Variants in AAMDC observed in about 807,000 individuals in gnomAD.
The protein encoded by AAMDC is adipogenesis associated Mth938 domain containing.
A neutral mutation model predicts 15.5 loss-of-function variants in AAMDC; 16 were observed. The observed-to-expected ratio is 1.03, with a 90% CI of 0.70 to 1.57. The LOEUF is 1.57. Among genes scored for constraint, AAMDC ranks in the 40% most tolerant of loss-of-function variants. AAMDC has a pLI of 0.00. For synonymous variants in AAMDC, 51 were observed against 51.6 expected (o/e 0.99, Z 0.05); for missense variants, 141 against 144.9 (o/e 0.97, Z 0.14).
intron 1 of AAMDC, among the ~76,000 whole-genome samples, chr11:77,840,097 AAC>A (rs10547270): frequency 0.76 from 114,614 of 150,302 alleles, 44,139 homozygotes; most frequent in African/African-American, 0.89. Context: ...GGGGACAGTA[AAC>A]ACACACACAC....
chr11:77,895,305 A>C (rs1952461582), intron 5 of AAMDC, among the ~76,000 whole-genome samples: 1 of 152,154 alleles, frequency 6.6e-6, no homozygotes, highest in Non-Finnish European at 1.5e-5. Context: ...AGATAAAACA[A>C]ATACTCTTTC....
chr11:77,873,457 A>T (rs1262486430), downstream of AAMDC, among the ~76,000 whole-genome samples: 2 of 152,218 alleles, frequency 1.3e-5, no homozygotes, highest in Non-Finnish European at 2.9e-5. Context: ...GAGCCATAGA[A>T]TGTTGGAGCC....
At chr11:77,895,527 GAAAAAAAAAA>G (rs71046921) in intron 5 of AAMDC, among the ~76,000 whole-genome samples, 1,523 of 39,254 alleles carry the variant, frequency 0.039, 45 homozygotes, top group South Asian at 0.13. Flanking sequence ...TTCTTTTCCT[GAAAAAAAAAA>G]AAAAAAAAAA....
downstream of AAMDC, among the ~76,000 whole-genome samples, chr11:77,873,563 G>T (rs186663776): frequency 3.3e-5 from 5 of 152,278 alleles, no homozygotes; most frequent in Middle Eastern, 3.4e-3. Flanking sequence ...TTATTGTTGG[G>T]CCCTGGGGGA....
intron 2 of AAMDC, among the ~76,000 whole-genome samples, chr11:77,864,383 T>C (rs1050281487): frequency 1.8e-4 from 28 of 151,552 alleles, no homozygotes; most frequent in Non-Finnish European, 3.5e-4. Context: ...GAGGTTGCAG[T>C]GAGCCAAGAT....
intron 2 of AAMDC, chr11:77,855,247 G>A (rs1242774995): frequency 6.6e-6 from 1 of 152,254 alleles, no homozygotes; most frequent in Non-Finnish European, 1.5e-5. Context: ...TCTTGGTTAT[G>A]AATATTTGGC....
In AAMDC at chr11:77,897,992, T is replaced by A. The variant is rs1336225673; in HGVS notation, c.329-2579T>A. 3.3e-5 allele frequency among the ~76,000 whole-genome samples: 5 copies of A among 151,994 alleles called. No homozygotes were observed. In the East Asian group the frequency reaches 7.7e-4, roughly 23 times the overall value. On this transcript the variant is annotated intron_variant, in intron 5 of 5. Transcript: ENST00000304716. ...GTCCAGCTAATTTTTGATTTTTATT[T>A]TTTAGAGACAGGGTCTCATTATGTT... is the stretch of plus-strand genomic sequence containing the variant.
downstream of AAMDC, among the ~76,000 whole-genome samples, chr11:77,904,918 C>T (rs1021767563): frequency 5.3e-5 from 8 of 152,086 alleles, no homozygotes; most frequent in African/African-American, 1.4e-4. Flanking sequence ...TAAGGAGATG[C>T]GTATGAGTGC....
intron 1 of AAMDC, among the ~76,000 whole-genome samples, chr11:77,821,516 G>A (rs920686752): frequency 6.6e-6 from 1 of 152,100 alleles, no homozygotes; most frequent in Admixed American, 6.5e-5. Flanking sequence ...GGAACTCTGG[G>A]GGAATCGTCG....
Position 77,837,866 on chromosome 11 carries a change from G to T in AAMDC, c.-18-4613G>T, listed in dbSNP as rs532810544. 6.6e-5 allele frequency among the ~76,000 whole-genome samples: 10 copies of T among 152,142 alleles called. 1 individual carries two copies. In the East Asian group the frequency reaches 1.9e-3, roughly 29 times the overall value. ...GCCCAGGATTTGGAGACCAACATGG[G>T]CAACATAGTGAGACCCTGGCTCTAA... On this transcript the variant is annotated intron_variant, in intron 1 of 3. Coordinates refer to ENST00000393427, the MANE Select transcript of AAMDC (RefSeq NM_024684.4).
chr11:77,842,659 T>C (rs1177905520), intron 2 of AAMDC, 31 bp downstream of exon 2: 1 of 1,609,152 alleles, frequency 6.2e-7, no homozygotes, highest in South Asian at 1.1e-5. Context: ...TGATACTACA[T>C]GAGGCTGACC....
At chr11:77,834,756 G>C (rs975134976) in intron 1 of AAMDC, among the ~76,000 whole-genome samples, 2 of 152,068 alleles carry the variant, frequency 1.3e-5, no homozygotes, top group Non-Finnish European at 2.9e-5. Context: ...GCTAGGAAAA[G>C]ACTGAATAAG....
chr11:77,844,992 C>T (rs143515576), intron 2 of AAMDC, among the ~76,000 whole-genome samples: 140 of 152,260 alleles, frequency 9.2e-4, no homozygotes, highest in African/African-American at 3.3e-3. Context: ...ATTATTAGAT[C>T]TCCCTTGGAC....
chr11:77,878,461 A>T (rs2136342230), intron 5 of AAMDC, among the ~76,000 whole-genome samples: 1 of 152,324 alleles, frequency 6.6e-6, no homozygotes, highest in South Asian at 2.1e-4. Context: ...GAGGCTTCTT[A>T]GCAAGGTTAA....
At chr11:77,839,423 G>T (rs1949830546) in intron 1 of AAMDC, among the ~76,000 whole-genome samples, 2 of 152,154 alleles carry the variant, frequency 1.3e-5, no homozygotes, top group Admixed American at 1.3e-4. Context: ...ATTCCTCAAA[G>T]ACCTAGAACT....
Position 77,891,850 on chromosome 11 carries a change from C to A in AAMDC, c.329-8721C>A, listed in dbSNP as rs777481067. The A allele has an allele frequency of 2.5e-6, 4 of 1,610,458 alleles. No individual in the cohort carries two copies. The South Asian group carries it at 3.3e-5, about 13-fold the overall frequency. On this transcript the variant is annotated intron_variant, in intron 5 of 5. Coordinates refer to the AAMDC transcript ENST00000304716. ...ATCAGCGATGAAATACCTGGAGGAA[C>A]AAACAGAAGCAACTGACTCATTCAA...
chr11:77,877,882 G>A (rs1165457529), intron 5 of AAMDC, among the ~76,000 whole-genome samples: 2 of 152,000 alleles, frequency 1.3e-5, no homozygotes. Flanking sequence ...ACAGCCCCCA[G>A]CCCCATGCCT....
chr11:77,861,194 C>T (rs1043023509), intron 2 of AAMDC, among the ~76,000 whole-genome samples: 1 of 152,132 alleles, frequency 6.6e-6, no homozygotes, highest in Non-Finnish European at 1.5e-5. Context: ...GTTCTTTCTC[C>T]TATGTTCAGG....
At chr11:77,852,736 A>G (rs1950449347) in intron 2 of AAMDC, among the ~76,000 whole-genome samples, 1 of 152,146 alleles carries the variant, frequency 6.6e-6, no homozygotes, top group Non-Finnish European at 1.5e-5. Flanking sequence ...ATAAGCAAAT[A>G]CAAAAATACA....
Sources: gnomAD v4.1 joint callset for allele counts (sites outside exome capture counted in the v4.1 genomes callset) on GRCh38, gnomAD v4.1.1 for gene constraint, MANE v1.5 for transcripts, NCBI Gene and HGNC (gene_info 2026-07-23, HGNC 2026-07-21) for gene names.